CPNE1: variants seen among roughly 807,000 people sequenced by gnomAD.
The protein encoded by CPNE1 is copine 1.
Under a neutral mutation model 63.2 loss-of-function variants are expected in CPNE1, and 58 were observed. The ratio of observed to expected loss-of-function variants is 0.92; its 90% CI spans 0.74 to 1.14. CPNE1 has a LOEUF of 1.14. Among genes scored for constraint, CPNE1 ranks in the 50% most tolerant of loss-of-function variants. The pLI is 0.00. For synonymous variants in CPNE1, 237 were observed against 249.0 expected, an observed-to-expected ratio of 0.95 and a Z score of 0.45; for missense variants, 672 against 661.7, an observed-to-expected ratio of 1.02 and a Z score of -0.17.
intron 1 of CPNE1, chr20:35,654,847 G>C: frequency 6.2e-7 from 1 of 1,614,212 alleles, no homozygotes; most frequent in African/African-American, 1.3e-5. Context: ...CATATTTGGA[G>C]GAGCTGTTCC....
intron 1 of CPNE1, among the ~76,000 whole-genome samples, chr20:35,662,874 C>T (rs1057270593): frequency 1.3e-5 from 2 of 152,104 alleles, no homozygotes; most frequent in Middle Eastern, 3.2e-3. Context: ...TTGCAAGTAA[C>T]CACACAATTA....
At chr20:35,647,308 T>A (rs1327317113) in intron 1 of CPNE1, 2 of 106,764 alleles carry the variant, frequency 1.9e-5, no homozygotes, top group African/African-American at 7.6e-5. Context: ...GCGTGAGACT[T>A]TGTCTCAAAA....
intron 1 of CPNE1, among the ~76,000 whole-genome samples, chr20:35,655,498 C>T (rs1329879833): frequency 1.3e-5 from 2 of 152,174 alleles, no homozygotes; most frequent in Non-Finnish European, 2.9e-5. Flanking sequence ...AAAAACTGAA[C>T]ATTACGTGCC....
At chr20:35,631,088 C>G (rs753501694) in intron 10 of CPNE1, 26 bp downstream of exon 10, 1 of 1,614,204 alleles carries the variant, frequency 6.2e-7, no homozygotes, top group South Asian at 1.1e-5. Context: ...CAGACCTGTT[C>G]TCTTGCCCTT....
chr20:35,626,962 C>T (rs532775455), intron 14 of CPNE1, 159 bp from the exon 15 acceptor site: 7 of 685,466 alleles, frequency 1.0e-5, no homozygotes, highest in Admixed American at 2.2e-5. Flanking sequence ...CTAAGGCAGG[C>T]GGATCACTTG....
At chr20:35,655,151 T>C (rs1460727121) in intron 1 of CPNE1, 4 of 1,614,072 alleles carry the variant, frequency 2.5e-6, no homozygotes, top group African/African-American at 2.7e-5. Flanking sequence ...CCTGTGCGCA[T>C]CATACCAAGC....
In CPNE1 at chr20:35,626,780, C is replaced by T. The variant is rs2031775532; in HGVS notation, c.1260G>A (p.Leu420=). 2 of 1,614,126 alleles carry T rather than the reference C, an allele frequency of 1.2e-6. No individual in the cohort carries two copies. The highest frequency in any genetic ancestry group is 2.2e-5 in the East Asian group (1 of 44,886). The change falls in exon 15 of 16, where the codon CTG becomes CTA. Residue 420 remains leucine, a synonymous_variant. Transcript: ENST00000397443. ...TASQYFMLLL[L]TDGAVTDVEA... ...CCACATCCGTCACAGCACCATCAGTCAGCAGCAACAGCATGAAGTATTGCT... is the reference window on the plus strand; with the variant it reads ...CCACATCCGTCACAGCACCATCAGTTAGCAGCAACAGCATGAAGTATTGCT...
At chr20:35,650,286 A>G (rs1295047936) in intron 1 of CPNE1, 1 of 152,276 alleles carries the variant, frequency 6.6e-6, no homozygotes, top group East Asian at 1.9e-4. Flanking sequence ...TTTCCTTTTC[A>G]GCATTTATCT....
intron 15 of CPNE1, 33 bp from the exon 16 acceptor site, chr20:35,626,414 C>T (rs1008054968): frequency 3.7e-6 from 6 of 1,611,522 alleles, no homozygotes; most frequent in Non-Finnish European, 4.2e-6. Context: ...AGTGGTGGCC[C>T]AGAACAGCTG....
chr20:35,654,831 A>G (rs959676201), intron 1 of CPNE1: 2 of 1,614,228 alleles, frequency 1.2e-6, no homozygotes, highest in African/African-American at 1.3e-5. Flanking sequence ...TCCCAAAGGA[A>G]GCCCCCATAT....
intron 1 of CPNE1, among the ~76,000 whole-genome samples, chr20:35,663,666 T>C (rs2034360478): frequency 6.6e-6 from 1 of 152,166 alleles, no homozygotes; most frequent in Admixed American, 6.5e-5. Context: ...GATGAGTAAA[T>C]GTTTAGCACT....
intron 1 of CPNE1, among the ~76,000 whole-genome samples, chr20:35,648,108 T>C (rs1433060169): frequency 2.0e-5 from 3 of 151,850 alleles, no homozygotes; most frequent in African/African-American, 7.3e-5. Flanking sequence ...GGAGATGAAC[T>C]TGCTTATGTT....
intron 1 of CPNE1, among the ~76,000 whole-genome samples, chr20:35,639,907 T>C (rs1048139233): frequency 6.6e-6 from 1 of 152,178 alleles, no homozygotes; most frequent in Non-Finnish European, 1.5e-5. Context: ...TTACACCACT[T>C]TTCCTGGACT....
chr20:35,632,805 C>T lies in CPNE1; in HGVS notation c.119G>A (p.Ser40Asn), dbSNP rs141874071. The change falls in exon 2 of 16, where the codon AGC becomes AAC. Residue 40 changes from serine to asparagine, a missense_variant. Physicochemically the swap from Ser to Asn is conservative, Grantham distance 46 (BLOSUM62 1). Transcript: ENST00000397443. ...CATAATCCGCCTCACCTCAGCCCAG[C>T]TGCCCCCTCCCACATCCTGTAAAAG... is the stretch of plus-strand genomic sequence containing the variant. ...CVLLQDVGGG[S>N]WAELGRTERV... is the part of the protein sequence containing the mutation. The T allele has an allele frequency of 2.3e-6, 2 of 872,054 alleles. No homozygotes were observed. Among genetic ancestry groups the T allele is most frequent in the African/African-American group, 3.3e-5 (2 of 61,318 alleles). 54.0% of individuals were successfully genotyped at this position (872,054 alleles called of 1,614,324 possible).
At chr20:35,658,707 C>A (rs2034049986) in intron 1 of CPNE1, among the ~76,000 whole-genome samples, 1 of 151,960 alleles carries the variant, frequency 6.6e-6, no homozygotes, top group Non-Finnish European at 1.5e-5. Context: ...TTGCAGTGAG[C>A]CGAGATGGCA....
chr20:35,638,839 ATAAAG>A (rs1226401679), intron 1 of CPNE1, among the ~76,000 whole-genome samples: 3 of 152,266 alleles, frequency 2.0e-5, no homozygotes, highest in East Asian at 1.9e-4. Flanking sequence ...AAAATGAAGA[ATAAAG>A]TAAACAGATT....
chr20:35,626,704 T>C lies in CPNE1; in HGVS notation c.1336A>G (p.Ile446Val). ...TCAGCACCACCCACACCCACAATGA[T>C]CACTGACATGGGCAGGTTCGAGGCA... ...VRASNLPMSV[I>V]IVGVGGADFE... Residue 446 changes from isoleucine to valine, a missense_variant, in exon 15 of 16, where the codon ATC (isoleucine) becomes GTC (valine). Coordinates refer to ENST00000397443, the MANE Select transcript of CPNE1 (RefSeq NM_152925.3). 6.2e-7 allele frequency: 1 copy of C among 1,614,082 alleles called. No individual in the cohort carries two copies. Among genetic ancestry groups the C allele is most frequent in the Non-Finnish European group, 8.5e-7 (1 of 1,180,006 alleles).
rs17092956 is a variant in CPNE1, at chr20:35,663,500, A to G, written c.-1+1260T>C. Among the ~76,000 whole-genome samples, 828 of 152,214 alleles carry G rather than the reference A, an allele frequency of 5.4e-3. 18 individuals carry two copies. Among genetic ancestry groups the G allele is most frequent in the African/African-American group, 0.019 (783 of 41,522 alleles). On this transcript the variant is annotated intron_variant, in intron 1 of 15. Coordinates refer to ENST00000397443, the MANE Select transcript of CPNE1 (RefSeq NM_152925.3). ...TTCAGTTGCCATCACACTTTTTTCCAGTGGGTTATACTGACTCTATTATTG... is the reference window on the plus strand; with the variant it reads ...TTCAGTTGCCATCACACTTTTTTCCGGTGGGTTATACTGACTCTATTATTG...
chr20:35,632,617 G>A lies in CPNE1; in HGVS notation c.209C>T (p.Thr70Ile), dbSNP rs1335356847. The A allele has an allele frequency of 2.5e-6, 4 of 1,573,634 alleles. No individual in the cohort carries two copies. Among genetic ancestry groups the A allele is most frequent in the Middle Eastern group, 1.7e-4 (1 of 6,004 alleles). ...KTLQLEYRFE[T>I]VQKLRFGIYD... ...GATTCCAAAGCGTAGCTTCTGGACT[G>A]TCTCAAAGCGGTACTCAAGCTGTAG... The change falls in exon 3 of 16, where the codon ACA (threonine) becomes ATA (isoleucine). Residue 70 changes from threonine (T) to isoleucine (I), a missense_variant. By Grantham distance (89) the Thr-to-Ile change is moderately conservative (BLOSUM62 -1). Coordinates refer to ENST00000397443, the MANE Select transcript of CPNE1 (RefSeq NM_152925.3).
Sources: gnomAD v4.1 joint callset for allele counts (sites outside exome capture counted in the v4.1 genomes callset) on GRCh38, gnomAD v4.1.1 for gene constraint, MANE v1.5 for transcripts, NCBI Gene and HGNC (gene_info 2026-07-23, HGNC 2026-07-21) for gene names.